The following FER1L6 variants were observed in gnomAD, a reference collection of about 807,000 sequenced individuals.
FER1L6 encodes fer-1-like protein 6.
FER1L6 carries 177 observed loss-of-function variants against 219.2 expected under a neutral mutation model. The ratio of observed to expected loss-of-function variants is 0.81; its 90% CI spans 0.71 to 0.91. FER1L6 has a LOEUF of 0.91. Ranked by LOEUF, FER1L6 falls within the 40% of genes least tolerant of loss-of-function variation. The probability of loss-of-function intolerance (pLI) is 0.00; values close to 1 mark genes in which losing one functional copy is unlikely to be tolerated. For missense variants in FER1L6, 2,153 were observed against 2,259.9 expected, an observed-to-expected ratio of 0.95 and a Z score of 0.96; for synonymous variants, 768 against 824.3, an observed-to-expected ratio of 0.93 and a Z score of 1.17.
intron 18 of FER1L6, 110 bp from the exon 19 acceptor site, chr8:124,035,167 C>A: frequency 8.4e-7 from 1 of 1,188,396 alleles, no homozygotes; most frequent in Non-Finnish European, 1.2e-6. Flanking sequence ...GAGAACTGCT[C>A]TCTGAACATA....
chr8:123,934,020 AATTCATT>A (rs1405770995), intron 1 of FER1L6, among the ~76,000 whole-genome samples: 5 of 152,128 alleles, frequency 3.3e-5, no homozygotes, highest in African/African-American at 1.2e-4. Flanking sequence ...ATCACCAAAT[AATTCATT>A]ATTCATCATT....
chr8:124,045,708 TTAGAGCCCCTA>T, intron 20 of FER1L6, 48 bp from the exon 21 acceptor site: 1 of 1,584,404 alleles, frequency 6.3e-7, no homozygotes, highest in East Asian at 2.2e-5. Flanking sequence ...TGAATGAACC[TTAGAGCCCCTA>T]TAACTCAATT....
intron 37 of FER1L6, among the ~76,000 whole-genome samples, chr8:124,098,132 C>A (rs907021206): frequency 6.6e-6 from 1 of 152,168 alleles, no homozygotes; most frequent in African/African-American, 2.4e-5. Flanking sequence ...ACGTTGGATA[C>A]CTAAACTTAT....
At chr8:123,996,888 G>A (rs1440947601) in intron 12 of FER1L6, among the ~76,000 whole-genome samples, 1 of 152,074 alleles carries the variant, frequency 6.6e-6, no homozygotes, top group East Asian at 1.9e-4. Flanking sequence ...AGCAAAAAAA[G>A]CAAAGAGAAA....
At chr8:123,951,194 A>G (rs1455358392) in intron 1 of FER1L6, among the ~76,000 whole-genome samples, 1 of 152,062 alleles carries the variant, frequency 6.6e-6, no homozygotes, top group Non-Finnish European at 1.5e-5. Context: ...TCACCAGGGG[A>G]GCTCAAAAAC....
intron 1 of FER1L6, among the ~76,000 whole-genome samples, chr8:123,931,236 C>A (rs1203420351): frequency 6.6e-6 from 1 of 152,190 alleles, no homozygotes. Flanking sequence ...TGTGTACCAA[C>A]AGATCCACTA....
At chr8:124,051,681 G>C (rs987353938) in intron 22 of FER1L6, among the ~76,000 whole-genome samples, 6 of 152,166 alleles carry the variant, frequency 3.9e-5, no homozygotes, top group African/African-American at 1.4e-4. Context: ...TGAGAGCCTA[G>C]AATCCAGAGA....
At chr8:123,913,184 T>C (rs1813090253) in intron 1 of FER1L6, among the ~76,000 whole-genome samples, 1 of 152,134 alleles carries the variant, frequency 6.6e-6, no homozygotes, top group Non-Finnish European at 1.5e-5. Context: ...CAGAAAAATC[T>C]TGAAAGTTAT....
At chr8:123,936,007 A>T (rs2129956425) in intron 1 of FER1L6, among the ~76,000 whole-genome samples, 1 of 152,126 alleles carries the variant, frequency 6.6e-6, no homozygotes. Flanking sequence ...AGGGTTGGGA[A>T]CTTCTAGATG....
rs113805923 is a variant in FER1L6, at chr8:124,099,947, C to A, written c.4884-1150C>A. Among the ~76,000 whole-genome samples, 877 of 152,276 alleles carry A rather than the reference C, an allele frequency of 5.8e-3. 15 individuals are homozygous for A. Among genetic ancestry groups the A allele is most frequent in the African/African-American group, 0.02 (830 of 41,544 alleles). ...TCACTCATATCCCTCTCTCCCCTTT[C>A]CCCTATGACTATGACTCCATGAAGC... is the stretch of plus-strand genomic sequence containing the variant. On this transcript the variant is annotated intron_variant, in intron 37 of 40. Coordinates refer to ENST00000522917, the MANE Select transcript of FER1L6 (RefSeq NM_001039112.2).
chr8:123,930,708 A>G (rs1363340038), intron 1 of FER1L6, among the ~76,000 whole-genome samples: 2 of 152,196 alleles, frequency 1.3e-5, no homozygotes, highest in Non-Finnish European at 2.9e-5. Flanking sequence ...GGATGACACT[A>G]GTGCCTGCTT....
intron 1 of FER1L6, among the ~76,000 whole-genome samples, chr8:123,908,932 GTA>G (rs1336842433): frequency 6.6e-6 from 1 of 152,186 alleles, no homozygotes; most frequent in Non-Finnish European, 1.5e-5. Flanking sequence ...GGGGTCAAGC[GTA>G]TCACTATTAT....
chr8:123,870,841 G>A (rs1816911039), intron 1 of FER1L6, among the ~76,000 whole-genome samples: 1 of 152,046 alleles, frequency 6.6e-6, no homozygotes, highest in African/African-American at 2.4e-5. Flanking sequence ...TCCCAAGATG[G>A]GACACAGAAC....
chr8:123,950,295 T>C (rs765178717), intron 1 of FER1L6, among the ~76,000 whole-genome samples: 5 of 152,200 alleles, frequency 3.3e-5, no homozygotes, highest in Non-Finnish European at 5.9e-5. Context: ...TGGAGGCCAG[T>C]GACCTCAGGC....
intron 2 of FER1L6, among the ~76,000 whole-genome samples, chr8:123,957,289 G>A (rs767658949): frequency 6.6e-6 from 1 of 152,162 alleles, no homozygotes; most frequent in South Asian, 2.1e-4. Context: ...GAAAATGAGG[G>A]ACATTGCATT....
At chr8:124,117,320 G>A (rs191704207) in intron 39 of FER1L6, among the ~76,000 whole-genome samples, 10 of 152,300 alleles carry the variant, frequency 6.6e-5, no homozygotes, top group East Asian at 5.8e-4. Context: ...TGAGTGATCC[G>A]TAAAGCATTG....
At chr8:123,872,727 G>A (rs971134095) in intron 1 of FER1L6, among the ~76,000 whole-genome samples, 1 of 152,120 alleles carries the variant, frequency 6.6e-6, no homozygotes, top group African/African-American at 2.4e-5. Context: ...AAGCATACCT[G>A]ATAGAGAATT....
intron 1 of FER1L6, among the ~76,000 whole-genome samples, chr8:123,901,731 T>TG (rs1812861781): frequency 6.6e-6 from 1 of 152,044 alleles, no homozygotes. Context: ...AATTTTTTTT[T>TG]TTTTTGAGAT....
chr8:123,968,621 T>G (rs1815663725), intron 5 of FER1L6, among the ~76,000 whole-genome samples: 1 of 152,112 alleles, frequency 6.6e-6, no homozygotes, highest in African/African-American at 2.4e-5. Flanking sequence ...CCACATAAAT[T>G]TTGAACACCA....
Sources: gnomAD v4.1 joint callset for allele counts (sites outside exome capture counted in the v4.1 genomes callset) on GRCh38, gnomAD v4.1.1 for gene constraint, MANE v1.5 for transcripts, NCBI Gene and HGNC (gene_info 2026-07-23, HGNC 2026-07-21) for gene names.